The following KIAA1217 variants were observed in gnomAD, a reference collection of about 807,000 sequenced individuals.
KIAA1217 encodes the protein KIAA1217.
Under a neutral mutation model 163.9 loss-of-function variants are expected in KIAA1217, and 88 were observed. The observed-to-expected ratio is 0.54, with a 90% confidence interval of 0.45 to 0.64. KIAA1217 has a LOEUF of 0.64. Ranked by LOEUF, KIAA1217 falls within the 30% of genes least tolerant of loss-of-function variation. KIAA1217 has a pLI of 0.00. For missense variants in KIAA1217, 2,372 were observed against 2,475.0 expected (o/e 0.96, Z 0.88); for synonymous variants, 903 against 923.1 (o/e 0.98, Z 0.39).
chr10:23,851,698 T>C (rs1440833551), intron 1 of KIAA1217, among the ~76,000 whole-genome samples: 34 of 152,288 alleles, frequency 2.2e-4, no homozygotes, highest in South Asian at 4.1e-4. Context: ...TTTTAATGAT[T>C]GCCATTCTAA....
At chr10:23,867,224 C>T (rs943060757) in intron 1 of KIAA1217, among the ~76,000 whole-genome samples, 86 of 152,162 alleles carry the variant, frequency 5.7e-4, no homozygotes, top group African/African-American at 1.9e-3. Context: ...AGTATATGTG[C>T]CACATTTTCT....
intron 2 of KIAA1217, 144 bp downstream of exon 2, chr10:24,220,053 T>C (rs2069368245): frequency 4.6e-6 from 4 of 861,588 alleles, no homozygotes; most frequent in Non-Finnish European, 6.5e-6. Flanking sequence ...CTTTGGGGCC[T>C]TGGGAGGAGG....
chr10:24,229,584 C>CT (rs2071080793), intron 2 of KIAA1217, among the ~76,000 whole-genome samples: 1 of 152,174 alleles, frequency 6.6e-6, no homozygotes, highest in Admixed American at 6.5e-5. Flanking sequence ...ATGGCACAAT[C>CT]TCGGCTCACT....
At chr10:24,216,697 C>T (rs2068861698) in intron 1 of KIAA1217, among the ~76,000 whole-genome samples, 1 of 151,172 alleles carries the variant, frequency 6.6e-6, no homozygotes, top group Admixed American at 6.6e-5. Flanking sequence ...CATGGTTGCG[C>T]ACGGCTGTAA....
At chr10:24,012,358 C>G (rs1223091459) in intron 2 of KIAA1217, among the ~76,000 whole-genome samples, 1 of 152,126 alleles carries the variant, frequency 6.6e-6, no homozygotes, top group Non-Finnish European at 1.5e-5. Flanking sequence ...TCTTACAACT[C>G]TCTTAAGACC....
chr10:23,719,932 A>G (rs6482318), intron 1 of KIAA1217, among the ~76,000 whole-genome samples: 10,152 of 152,036 alleles, frequency 0.067, 1,132 homozygotes, highest in African/African-American at 0.23. Flanking sequence ...AAAAGGCTAT[A>G]TAGTGTATGA....
intron 2 of KIAA1217, among the ~76,000 whole-genome samples, chr10:24,139,546 G>T (rs184587973): frequency 6.6e-5 from 10 of 152,054 alleles, no homozygotes; most frequent in Admixed American, 5.9e-4. Context: ...GTTTTCAATT[G>T]ATCATCTTTG....
At chr10:24,133,809 G>C (rs1366681483) in intron 2 of KIAA1217, among the ~76,000 whole-genome samples, 2 of 152,192 alleles carry the variant, frequency 1.3e-5, no homozygotes, top group East Asian at 1.9e-4. Flanking sequence ...TGAATATTGG[G>C]CTGGACATCC....
At chr10:24,325,194 G>A (rs545800359) in intron 2 of KIAA1217, among the ~76,000 whole-genome samples, 5 of 152,222 alleles carry the variant, frequency 3.3e-5, no homozygotes, top group African/African-American at 1.2e-4. Context: ...CAAAAGTGTG[G>A]GACAGTGATT....
intron 1 of KIAA1217, among the ~76,000 whole-genome samples, chr10:23,798,552 GT>G (rs771004533): frequency 9.8e-4 from 149 of 152,238 alleles, no homozygotes; most frequent in Non-Finnish European, 1.7e-3. Context: ...GAGTATAGTA[GT>G]TTTTTTGTTT....
At chr10:24,172,884 C>T (rs1259848624) in intron 2 of KIAA1217, among the ~76,000 whole-genome samples, 1 of 152,212 alleles carries the variant, frequency 6.6e-6, no homozygotes, top group African/African-American at 2.4e-5. Context: ...CCTAAGTGAA[C>T]TGTGGACTGT....
At chr10:23,706,947 G>A (rs1291624445) in intron 1 of KIAA1217, among the ~76,000 whole-genome samples, 1 of 152,004 alleles carries the variant, frequency 6.6e-6, no homozygotes, top group Non-Finnish European at 1.5e-5. Context: ...CACCAGGCGG[G>A]GACCTGTTAT....
chr10:23,786,553 A>G (rs78305747), intron 1 of KIAA1217, among the ~76,000 whole-genome samples: 1 of 151,602 alleles, frequency 6.6e-6, no homozygotes, highest in Non-Finnish European at 1.5e-5. Context: ...AAAAAAAAAA[A>G]TTAGTTACAA....
intron 1 of KIAA1217, among the ~76,000 whole-genome samples, chr10:23,912,676 G>A (rs1842483996): frequency 6.6e-6 from 1 of 152,076 alleles, no homozygotes; most frequent in Admixed American, 6.6e-5. Flanking sequence ...TTCTTTTTAT[G>A]GCTGCATAGT....
chr10:24,021,169 T>C (rs890058728), intron 2 of KIAA1217, among the ~76,000 whole-genome samples: 1 of 151,954 alleles, frequency 6.6e-6, no homozygotes, highest in East Asian at 1.9e-4. Context: ...AGAAATTATT[T>C]TTAAATAATC....
chr10:24,435,788 A>G (rs1393930561), intron 4 of KIAA1217, among the ~76,000 whole-genome samples: 1 of 152,208 alleles, frequency 6.6e-6, no homozygotes, highest in Non-Finnish European at 1.5e-5. Context: ...AACATAAATG[A>G]AACCATCAGT....
At chr10:24,296,182 C>A (rs11014007) in intron 2 of KIAA1217, among the ~76,000 whole-genome samples, 8,922 of 152,160 alleles carry the variant, frequency 0.059, 907 homozygotes, top group African/African-American at 0.2. Context: ...TTGCTCACTG[C>A]AGCCTTGACC....
At chr10:23,912,477 A>T (rs1488664133) in intron 1 of KIAA1217, among the ~76,000 whole-genome samples, 1 of 151,348 alleles carries the variant, frequency 6.6e-6, no homozygotes, top group Non-Finnish European at 1.5e-5. Flanking sequence ...TTCAACCCTC[A>T]CCCCTCTCCT....
At chr10:23,804,020 T>C (rs1201208102) in intron 1 of KIAA1217, among the ~76,000 whole-genome samples, 3 of 152,166 alleles carry the variant, frequency 2.0e-5, no homozygotes, top group Non-Finnish European at 4.4e-5. Context: ...TAAAATAATA[T>C]TTTATATACA....
Sources: gnomAD v4.1 joint callset for allele counts (sites outside exome capture counted in the v4.1 genomes callset) on GRCh38, gnomAD v4.1.1 for gene constraint, MANE v1.5 for transcripts, NCBI Gene and HGNC (gene_info 2026-07-23, HGNC 2026-07-21) for gene names.